Variants in CRISPLD2 observed in about 807,000 individuals in gnomAD.
The protein encoded by CRISPLD2 is cysteine rich secretory protein LCCL domain containing 2.
In CRISPLD2, 47 loss-of-function variants were observed where a neutral mutation model predicts 71.1. The observed-to-expected ratio is 0.66, with a 90% CI of 0.52 to 0.84. The LOEUF is 0.84. CRISPLD2 is among the 40% of genes least tolerant of loss of function. The pLI, the probability that CRISPLD2 is intolerant of heterozygous loss-of-function variation, is 0.00. For synonymous variants in CRISPLD2, 317 were observed against 250.1 expected, an observed-to-expected ratio of 1.27 and a Z score of -2.52; for missense variants, 830 against 651.1, an observed-to-expected ratio of 1.27 and a Z score of -2.99.
chr16:84,824,027 A>T (rs1230872141), intron 1 of CRISPLD2, among the ~76,000 whole-genome samples: 1 of 151,944 alleles, frequency 6.6e-6, no homozygotes, highest in African/African-American at 2.4e-5. Context: ...GGGAGCTGGC[A>T]TGGAGCTGGC....
chr16:84,896,040 CTTTT>C (rs540789413), intron 14 of CRISPLD2, among the ~76,000 whole-genome samples: 2 of 140,242 alleles, frequency 1.4e-5, no homozygotes, highest in Non-Finnish European at 3.1e-5. Context: ...GATTGGAATC[CTTTT>C]TTTTTTTTTT....
At chr16:84,881,950 C>T (rs2071572108) in intron 13 of CRISPLD2, among the ~76,000 whole-genome samples, 1 of 152,148 alleles carries the variant, frequency 6.6e-6, no homozygotes, top group African/African-American at 2.4e-5. Flanking sequence ...CTTATCTCCC[C>T]CCATCTTTTT....
At chr16:84,826,506 G>C (rs72799546) in intron 1 of CRISPLD2, among the ~76,000 whole-genome samples, 16,858 of 152,238 alleles carry the variant, frequency 0.11, 1,099 homozygotes, top group Non-Finnish European at 0.16. Flanking sequence ...GTTTCCTCAA[G>C]GGCATTGAAG....
intron 14 of CRISPLD2, among the ~76,000 whole-genome samples, chr16:84,906,334 GT>G (rs924057749): frequency 8.5e-5 from 13 of 152,152 alleles, no homozygotes; most frequent in African/African-American, 2.9e-4. Context: ...AGATCCCTGA[GT>G]TAAAAGGAAA....
intron 2 of CRISPLD2, among the ~76,000 whole-genome samples, chr16:84,840,403 C>A (rs1040892167): frequency 6.6e-6 from 1 of 152,228 alleles, no homozygotes; most frequent in Non-Finnish European, 1.5e-5. Context: ...CTTGTACAAA[C>A]CACACAGCTA....
chr16:84,881,578 A>G (rs2071568891), intron 13 of CRISPLD2, among the ~76,000 whole-genome samples: 2 of 152,246 alleles, frequency 1.3e-5, no homozygotes, highest in Admixed American at 1.3e-4. Flanking sequence ...AATCCAGGGA[A>G]TCTTCTAGAT....
chr16:84,890,946 T>C (rs998372289), intron 14 of CRISPLD2, among the ~76,000 whole-genome samples: 2 of 152,320 alleles, frequency 1.3e-5, no homozygotes, highest in South Asian at 2.1e-4. Context: ...TTTGTATTTT[T>C]AGTAGAGATT....
chr16:84,905,766 A>G (rs570420865), intron 14 of CRISPLD2, among the ~76,000 whole-genome samples: 27 of 144,364 alleles, frequency 1.9e-4, no homozygotes, highest in African/African-American at 4.7e-4. Context: ...CTGGAGTGCA[A>G]TGCCTTGATC....
At chr16:84,854,901 A>G in intron 6 of CRISPLD2, 72 bp downstream of exon 6, 4 of 1,187,676 alleles carry the variant, frequency 3.4e-6, no homozygotes, top group Non-Finnish European at 5.0e-6. Flanking sequence ...GCGTTACATG[A>G]AACAGGGGAA....
intron 13 of CRISPLD2, among the ~76,000 whole-genome samples, 199 bp from the exon 14 acceptor site, chr16:84,889,031 A>G (rs559059081): frequency 6.6e-6 from 1 of 152,346 alleles, no homozygotes; most frequent in South Asian, 2.1e-4. Flanking sequence ...CACTTGTTGA[A>G]CAAATGAATG....
In CRISPLD2 at chr16:84,850,383, C is replaced by T. The variant is rs142313317; in HGVS notation, c.493-185C>T. ...AGATGACAGGCGTGAGCCACCGCACCGGCCCACTTGCTTTGCTTTTTAAGA... is the reference window on the plus strand; with the variant it reads ...AGATGACAGGCGTGAGCCACCGCACTGGCCCACTTGCTTTGCTTTTTAAGA... On this transcript the variant is annotated intron_variant, in intron 4 of 14. Coordinates refer to ENST00000262424, the MANE Select transcript of CRISPLD2 (RefSeq NM_031476.4). Among the ~76,000 whole-genome samples the T allele has an allele frequency of 1.4e-4, 21 of 152,248 alleles. No homozygotes were observed. In the East Asian group the frequency reaches 2.5e-3, roughly 18 times the overall value.
chr16:84,877,781 C>T (rs917317104), intron 12 of CRISPLD2, among the ~76,000 whole-genome samples: 4 of 151,974 alleles, frequency 2.6e-5, no homozygotes, highest in Non-Finnish European at 4.4e-5. Flanking sequence ...ACCTGGGAGG[C>T]GGAGGTTGCA....
intron 1 of CRISPLD2, among the ~76,000 whole-genome samples, chr16:84,835,393 C>T (rs1021340921): frequency 6.6e-5 from 10 of 152,264 alleles, no homozygotes; most frequent in Admixed American, 4.6e-4. Flanking sequence ...CCTATGGTTA[C>T]TTTTCTGCTC....
At chr16:84,860,819 C>G (rs912093082) in intron 6 of CRISPLD2, among the ~76,000 whole-genome samples, 5 of 152,202 alleles carry the variant, frequency 3.3e-5, no homozygotes, top group Non-Finnish European at 7.3e-5. Flanking sequence ...ATGAGAAGAG[C>G]TTGTGTCTGT....
Position 84,890,108 on chromosome 16 carries a change from C to G in CRISPLD2, c.1439+745C>G, listed in dbSNP as rs550748807. The stretch of plus-strand genomic sequence containing the variant: ...GCGTGGTGGCTCACGCCTGTAATCC[C>G]AGCACTTTGGGAGGCCGAGGCAGGC... On this transcript the variant is annotated intron_variant, in intron 14 of 14. Transcript: ENST00000262424. Among the ~76,000 whole-genome samples the G allele has an allele frequency of 2.0e-5, 3 of 152,258 alleles. No individual in the cohort carries two copies. The East Asian group carries it at 5.8e-4, about 29-fold the overall frequency.
chr16:84,850,511 T>TCAC, intron 4 of CRISPLD2, 57 bp from the exon 5 acceptor site: 1 of 1,455,688 alleles, frequency 6.9e-7, no homozygotes, highest in South Asian at 1.1e-5. Flanking sequence ...GGCCAAATGA[T>TCAC]ATCACCCTTT....
At chr16:84,844,364 A>G (rs1199493735) in intron 2 of CRISPLD2, among the ~76,000 whole-genome samples, 1 of 152,230 alleles carries the variant, frequency 6.6e-6, no homozygotes, top group Non-Finnish European at 1.5e-5. Context: ...TATACGGACT[A>G]TAAAATTGAC....
At chr16:84,858,708 T>C (rs1917305878) in intron 6 of CRISPLD2, among the ~76,000 whole-genome samples, 1 of 152,246 alleles carries the variant, frequency 6.6e-6, no homozygotes, top group Non-Finnish European at 1.5e-5. Flanking sequence ...AGAATTGATA[T>C]ACCCCTGAGC....
chr16:84,883,842 A>ATTT (rs11371326), intron 13 of CRISPLD2, among the ~76,000 whole-genome samples: 12 of 133,114 alleles, frequency 9.0e-5, no homozygotes, highest in Non-Finnish European at 1.1e-4. Flanking sequence ...GTCTTATTTA[A>ATTT]TTTTTTTTTT....
Sources: gnomAD v4.1 joint callset for allele counts (sites outside exome capture counted in the v4.1 genomes callset) on GRCh38, gnomAD v4.1.1 for gene constraint, MANE v1.5 for transcripts, NCBI Gene and HGNC (gene_info 2026-07-23, HGNC 2026-07-21) for gene names.